ATOSA: variants seen among roughly 807,000 people sequenced by gnomAD.
The protein encoded by ATOSA is atos homolog A, also known as atos homolog protein A.
the ATOSA span, among the ~76,000 whole-genome samples, chr15:52,661,363 T>C: frequency 5.3e-5 from 8 of 152,346 alleles, no homozygotes; most frequent in African/African-American, 1.4e-4. Flanking sequence ...CTAGAGGCAA[T>C]TGTGCTCTGC....
the ATOSA span, among the ~76,000 whole-genome samples, chr15:52,675,617 CT>C: frequency 6.6e-6 from 1 of 152,154 alleles, no homozygotes; most frequent in Admixed American, 6.5e-5. Flanking sequence ...TTATAGAAAA[CT>C]TAGTGTTAGG....
the ATOSA span, chr15:52,586,210 T>A: frequency 6.6e-6 from 1 of 152,220 alleles, no homozygotes; most frequent in African/African-American, 2.4e-5. Flanking sequence ...ATTCTTGTGG[T>A]AATTCCTCCT....
chr15:52,671,112 A>G, the ATOSA span, among the ~76,000 whole-genome samples: 11,027 of 152,228 alleles, frequency 0.072, 672 homozygotes, highest in East Asian at 0.27. Context: ...ATGTCTGTGT[A>G]TGAATCATTT....
chr15:52,584,070 G>T, the ATOSA span, among the ~76,000 whole-genome samples: 7 of 135,328 alleles, frequency 5.2e-5, no homozygotes, highest in African/African-American at 2.0e-4. Flanking sequence ...GATGAACAGA[G>T]TGAGACTCCG....
chr15:52,700,810 T>G, the ATOSA span, among the ~76,000 whole-genome samples: 1 of 152,228 alleles, frequency 6.6e-6, no homozygotes, highest in Non-Finnish European at 1.5e-5. Flanking sequence ...TTTTTGAATA[T>G]ATTTACCTCA....
chr15:52,629,348 C>T, the ATOSA span, among the ~76,000 whole-genome samples: 12 of 152,014 alleles, frequency 7.9e-5, no homozygotes, highest in African/African-American at 2.7e-4. Context: ...TACACTGACA[C>T]ATCATAATCA....
chr15:52,638,007 G>A, the ATOSA span, among the ~76,000 whole-genome samples: 6 of 152,088 alleles, frequency 3.9e-5, no homozygotes, highest in Non-Finnish European at 8.8e-5. Flanking sequence ...TATACAATGT[G>A]GTATAAAAGC....
chr15:52,628,451 C>G, the ATOSA span, among the ~76,000 whole-genome samples: 3 of 152,140 alleles, frequency 2.0e-5, no homozygotes, highest in African/African-American at 7.2e-5. Flanking sequence ...CTGTGACGTT[C>G]TCTAAGTCAA....
the ATOSA span, among the ~76,000 whole-genome samples, chr15:52,599,240 A>T: frequency 6.6e-6 from 1 of 152,196 alleles, no homozygotes; most frequent in Non-Finnish European, 1.5e-5. Flanking sequence ...AATTTCTTGT[A>T]GTACAAAGGT....
chr15:52,675,932 AAG>A, the ATOSA span, among the ~76,000 whole-genome samples: 2 of 152,070 alleles, frequency 1.3e-5, no homozygotes, highest in African/African-American at 4.8e-5. Flanking sequence ...AAGAAAAAAA[AAG>A]AGAGAAAACT....
the ATOSA span, among the ~76,000 whole-genome samples, chr15:52,701,921 A>G: frequency 5.9e-5 from 9 of 152,226 alleles, no homozygotes; most frequent in African/African-American, 2.2e-4. Flanking sequence ...GCAACATAGC[A>G]AGACCCCATC....
chr15:52,708,286 C>T, the ATOSA span, among the ~76,000 whole-genome samples: 1 of 152,134 alleles, frequency 6.6e-6, no homozygotes, highest in Non-Finnish European at 1.5e-5. Flanking sequence ...GACTTTCCTT[C>T]AGGTTCCAAA....
chr15:52,699,435 A>G, the ATOSA span, among the ~76,000 whole-genome samples: 1,890 of 151,638 alleles, frequency 0.012, 43 homozygotes, highest in African/African-American at 0.043. Flanking sequence ...CCAATCTCCA[A>G]ATCCTTTTAA....
At chr15:52,601,332 GTTATT>G in the ATOSA span, among the ~76,000 whole-genome samples, 1 of 148,450 alleles carries the variant, frequency 6.7e-6, no homozygotes, top group Non-Finnish European at 1.5e-5. Flanking sequence ...TTGTTCTTAT[GTTATT>G]TTATTAGTGT....
chr15:52,703,931 C>T, the ATOSA span, among the ~76,000 whole-genome samples: 2 of 152,044 alleles, frequency 1.3e-5, no homozygotes, highest in Admixed American at 6.6e-5. Flanking sequence ...GCGGGAATGT[C>T]TCTGAACTAG....
At chr15:52,628,355 AAG>A in the ATOSA span, among the ~76,000 whole-genome samples, 1 of 152,196 alleles carries the variant, frequency 6.6e-6, no homozygotes, top group African/African-American at 2.4e-5. Flanking sequence ...AAAAGAACCT[AAG>A]AGAATTCTGG....
At chr15:52,638,864 C>T in the ATOSA span, among the ~76,000 whole-genome samples, 6 of 151,876 alleles carry the variant, frequency 4.0e-5, no homozygotes, top group East Asian at 1.2e-3. Context: ...AAAATTACTT[C>T]CTACAAAGGC....
the ATOSA span, among the ~76,000 whole-genome samples, chr15:52,663,277 A>C: frequency 2.1e-3 from 323 of 152,354 alleles, 1 homozygote; most frequent in African/African-American, 7.6e-3. Flanking sequence ...CTGCTAAGAC[A>C]GTCCCAGACC....
At chr15:52,596,459 C>A in the ATOSA span, among the ~76,000 whole-genome samples, 14 of 152,162 alleles carry the variant, frequency 9.2e-5, no homozygotes, top group Middle Eastern at 3.2e-3. Context: ...GAACCTTGAT[C>A]GCACACCTCC....
Sources: gnomAD v4.1 joint callset for allele counts (sites outside exome capture counted in the v4.1 genomes callset) on GRCh38, gnomAD v4.1.1 for gene constraint, MANE v1.5 for transcripts, NCBI Gene and HGNC (gene_info 2026-07-23, HGNC 2026-07-21) for gene names.